LRAT: variants seen among roughly 807,000 people sequenced by gnomAD.
LRAT encodes the protein lecithin retinol acyltransferase, also known as lecithin retinol acyltransferase (phosphatidylcholine--retinol O-acyltransferase).
LRAT carries 11 observed loss-of-function variants against 14.2 expected under a neutral mutation model. The ratio of observed to expected loss-of-function variants is 0.78; its 90% CI spans 0.49 to 1.29. LRAT has a LOEUF of 1.29. Among genes scored for constraint, LRAT ranks in the 50% most tolerant of loss-of-function variants. LRAT has a pLI of 0.00. For synonymous variants in LRAT, 144 were observed against 124.8 expected, an observed-to-expected ratio of 1.15 and a Z score of -1.03; for missense variants, 274 against 292.4, an observed-to-expected ratio of 0.94 and a Z score of 0.46.
At chr4:154,746,468 A>G (rs1052100219) in intron 2 of LRAT, among the ~76,000 whole-genome samples, 2 of 152,342 alleles carry the variant, frequency 1.3e-5, no homozygotes, top group Admixed American at 1.3e-4. Flanking sequence ...TCCAAGTAAA[A>G]TAAAAATACA....
At position 154,749,253 on chromosome 4, in the gene LRAT, T is replaced by C; in HGVS notation, c.*117T>C. 1.7e-6 allele frequency: 2 copies of C among 1,181,948 alleles called. No homozygotes were observed. Among genetic ancestry groups the C allele is most frequent in the African/African-American group, 1.5e-5 (1 of 66,492 alleles). 73.2% of individuals were successfully genotyped at this position (1,181,948 alleles called of 1,614,324 possible). On this transcript the variant is annotated 3_prime_UTR_variant, in exon 3 of 3. Transcript: ENST00000336356. ...GTGACCCGTAACACTGTGTTCTGGA[T>C]AAAAATGTGATTAGGAATCACGCAA...
chr4:154,745,006 CTTTTTTTTTTTTT>C lies in LRAT; in HGVS notation c.540+158_540+170del, dbSNP rs70947181. On this transcript the variant is annotated intron_variant, in intron 2 of 2. Coordinates refer to ENST00000336356, the MANE Select transcript of LRAT (RefSeq NM_004744.5). ...TTCCATACCATCCTTTTTCTTTTTC[CTTTTTTTTTTTTT>C]TTTTTTTTTTTTTTTTTGAGACGGA... The C allele has an allele frequency of 4.8e-3, 1,191 of 246,046 alleles. 15 individuals carry two copies. In the African/African-American group the frequency reaches 0.067, roughly 14 times the overall value. 15.2% of individuals were successfully genotyped at this position (246,046 alleles called of 1,614,324 possible). A position where few individuals can be genotyped will look rare whatever the true frequency, so the allele number is the denominator to read the frequency against.
At chr4:154,742,727 AC>A, upstream of LRAT, among the ~76,000 whole-genome samples, 1 of 151,760 alleles carries the variant, frequency 6.6e-6, no homozygotes, top group South Asian at 2.1e-4. Context: ...CGGCTCCCTC[AC>A]CCGGCAGCTC....
chr4:154,743,125 A>ACCCCCCCC (rs59844353), upstream of LRAT, among the ~76,000 whole-genome samples: 26 of 17,824 alleles, frequency 1.5e-3, no homozygotes, highest in Admixed American at 5.2e-3. Flanking sequence ...GACCCCCCCA[A>ACCCCCCCC]CCCCCCCCCC....
At chr4:154,741,873 C>T (rs933971950), upstream of LRAT, among the ~76,000 whole-genome samples, 1 of 152,172 alleles carries the variant, frequency 6.6e-6, no homozygotes, top group Admixed American at 6.5e-5. Context: ...TTTTGTCTCC[C>T]TCAAGTTCCC....
In LRAT at chr4:154,744,287, T is replaced by TGGCACC. The variant is rs764087067; in HGVS notation, c.-1-32_-1-27dup. 3 of 1,601,784 alleles carry TGGCACC rather than the reference T, an allele frequency of 1.9e-6. No individual in the cohort carries two copies. In the Admixed American group the frequency reaches 5.0e-5, roughly 27 times the overall value. On this transcript the variant is annotated intron_variant, in intron 1 of 2. Coordinates refer to ENST00000336356, the MANE Select transcript of LRAT (RefSeq NM_004744.5). ...TTGCCCAGCCCGGCCCCTGCCGGAG[T>TGGCACC]GGCACCGGCACCTCTCCAAGACGCC...
In LRAT at chr4:154,744,850, G is replaced by C; in HGVS notation, c.524G>C (p.Ser175Thr). 1 of 1,613,442 alleles carries C rather than the reference G, an allele frequency of 6.2e-7. No individual in the cohort carries two copies. Among genetic ancestry groups the C allele is most frequent in the Admixed American group, 1.7e-5 (1 of 60,012 alleles). ...TACTGCAGATATGGCACCCCGATCA[G>C]TCCCCAGTCCGACAAGGTATGATGT... ...VTYCRYGTPI[S>T]PQSDKFCETV... The change falls in exon 2 of 3, where the codon AGT (serine) becomes ACT (threonine). Residue 175 changes from serine (S) to threonine (T), a missense_variant. By Grantham distance (58) the Ser-to-Thr change is moderately conservative. Coordinates refer to ENST00000336356, the MANE Select transcript of LRAT (RefSeq NM_004744.5).
chr4:154,751,110 A>G lies in LRAT; in HGVS notation c.*1974A>G, dbSNP rs1732981114. 1 of 152,238 alleles carries G rather than the reference A, an allele frequency of 6.6e-6. No individual in the cohort carries two copies. Among genetic ancestry groups the G allele is most frequent in the Admixed American group, 6.5e-5 (1 of 15,288 alleles). 9.4% of individuals were successfully genotyped at this position (152,238 alleles called of 1,614,324 possible). A position where few individuals can be genotyped will look rare whatever the true frequency, so the allele number is the denominator to read the frequency against. ...TTTATGGTCCAGAATTAATATTATTATTCGTAAACTAGCTATAATAGAGTA... is the reference window on the plus strand; with the variant it reads ...TTTATGGTCCAGAATTAATATTATTGTTCGTAAACTAGCTATAATAGAGTA... On this transcript the variant is annotated 3_prime_UTR_variant, in exon 3 of 3. Transcript: ENST00000336356.
chr4:154,747,262 T>G (rs1732900695), intron 2 of LRAT, among the ~76,000 whole-genome samples: 7 of 152,182 alleles, frequency 4.6e-5, no homozygotes, highest in Admixed American at 4.6e-4. Context: ...TTTTACAAGT[T>G]TAGAAGTCAT....
Position 154,749,291 on chromosome 4 carries a change from G to A in LRAT, c.*155G>A. 2 of 817,528 alleles carry A rather than the reference G, an allele frequency of 2.4e-6. No individual in the cohort carries two copies. The highest frequency in any genetic ancestry group is 4.0e-5 in the Admixed American group (2 of 50,286). 50.6% of individuals were successfully genotyped at this position (817,528 alleles called of 1,614,324 possible). A position where few individuals can be genotyped will look rare whatever the true frequency, so the allele number is the denominator to read the frequency against. On this transcript the variant is annotated 3_prime_UTR_variant, in exon 3 of 3. Coordinates refer to ENST00000336356, the MANE Select transcript of LRAT (RefSeq NM_004744.5). ...AGGAATCACGCAAAGTGCTTACTGT[G>A]TAAGCCCAAGAACAAAGGCTTTCTG...
At chr4:154,742,582 G>A (rs1198165474), upstream of LRAT, among the ~76,000 whole-genome samples, 2 of 152,222 alleles carry the variant, frequency 1.3e-5, no homozygotes, top group Non-Finnish European at 2.9e-5. Context: ...CGACTGGGCA[G>A]CTTTGTGGAG....
chr4:154,745,583 G>C (rs146309532), intron 2 of LRAT: 4 of 152,410 alleles, frequency 2.6e-5, no homozygotes, highest in Non-Finnish European at 5.9e-5. Context: ...ATCAGTCACC[G>C]CTGCTTGCAA....
At chr4:154,741,926 C>T (rs1301038666), upstream of LRAT, among the ~76,000 whole-genome samples, 1 of 152,140 alleles carries the variant, frequency 6.6e-6, no homozygotes, top group Non-Finnish European at 1.5e-5. Context: ...CCTTAGTGAC[C>T]ACCAGGGACG....
chr4:154,744,753 C>T lies in LRAT; in HGVS notation c.427C>T (p.Arg143Trp), dbSNP rs776906234. 6.2e-7 allele frequency: 1 copy of T among 1,614,166 alleles called. No individual in the cohort carries two copies. Reference protein sequence around the residue: ...KKALLNEEVARRAEKLLGFTP... With the variant: ...KKALLNEEVAWRAEKLLGFTP... ...GGCACTGCTCAACGAGGAGGTGGCG[C>T]GGAGGGCTGAAAAGCTGCTGGGCTT... is the stretch of plus-strand genomic sequence containing the variant. The change falls in exon 2 of 3, where the codon CGG becomes TGG. Residue 143 changes from arginine to tryptophan, a missense_variant. Coordinates refer to ENST00000336356, the MANE Select transcript of LRAT (RefSeq NM_004744.5).
chr4:154,752,747 C>A lies in LRAT; in HGVS notation c.*3611C>A, dbSNP rs939591353. ...TTTCCTGCCAGAAAGTTGGTTCTTG[C>A]AAAATAGATTAACTTGATGACTATG... On this transcript the variant is annotated 3_prime_UTR_variant, in exon 3 of 3. Transcript: ENST00000336356. 1 of 152,154 alleles carries A rather than the reference C, an allele frequency of 6.6e-6. No homozygotes were observed. The highest frequency in any genetic ancestry group is 1.5e-5 in the Non-Finnish European group (1 of 68,026). The allele number at this position is 152,154 out of a possible 1,614,324, so 9.4% of individuals were successfully genotyped here.
rs760244398 is a variant in LRAT, at chr4:154,751,733, C to CAAAAAAAAAAA, written c.*2618_*2628dup. 7 of 23,846 alleles carry CAAAAAAAAAAA rather than the reference C, an allele frequency of 2.9e-4. No homozygotes were observed. The highest frequency in any genetic ancestry group is 4.8e-4 in the Non-Finnish European group (6 of 12,624). 1.5% of individuals were successfully genotyped at this position (23,846 alleles called of 1,614,324 possible). On this transcript the variant is annotated 3_prime_UTR_variant, in exon 3 of 3. Coordinates refer to ENST00000336356, the MANE Select transcript of LRAT (RefSeq NM_004744.5). ...TGGGCAACAAAGTGAGACTCCATCTCAAAAAAAAAAAAAAAAAAAAAAAAA... is the reference window on the plus strand; with the variant it reads ...TGGGCAACAAAGTGAGACTCCATCTCAAAAAAAAAAAAAAAAAAAAAAAAAAAAAAAAAAAA...
rs2111038998 is a variant in LRAT at position 154,749,610 on chromosome 4, T to C, written c.*474T>C. On this transcript the variant is annotated 3_prime_UTR_variant, in exon 3 of 3. Transcript: ENST00000336356. ...TTTATTCAAATGAAAACATGTTTGA[T>C]GACTGGTCAAAAAATAAGCTCATAA... 6.4e-6 allele frequency: 1 copy of C among 156,736 alleles called. No homozygotes were observed. Among genetic ancestry groups the C allele is most frequent in the Non-Finnish European group, 1.4e-5 (1 of 70,832 alleles). 9.7% of individuals were successfully genotyped at this position (156,736 alleles called of 1,614,324 possible).
chr4:154,742,872 T>C (rs1037359278), upstream of LRAT, among the ~76,000 whole-genome samples: 1 of 151,796 alleles, frequency 6.6e-6, no homozygotes, highest in African/African-American at 2.4e-5. Flanking sequence ...AAAATAAAAA[T>C]AAAAATAAAA....
In LRAT at chr4:154,749,086, A is replaced by G. The variant is rs140421566; in HGVS notation, c.643A>G (p.Thr215Ala). ...AGTCTGTACGGGCTTGGTATCATAC[A>G]CTACCCTTCCTGCAATTTTTATTCC... is the stretch of plus-strand genomic sequence containing the variant. ...SIVCTGLVSY[T>A]TLPAIFIPFF... Residue 215 changes from threonine (T) to alanine (A), a missense_variant, in exon 3 of 3, where the codon ACT (threonine) becomes GCT (alanine). Transcript: ENST00000336356. 69 of 1,613,858 alleles carry G rather than the reference A, an allele frequency of 4.3e-5. 1 individual carries two copies. The East Asian group carries it at 1.5e-3, about 35-fold the overall frequency.
Sources: gnomAD v4.1 joint callset for allele counts (sites outside exome capture counted in the v4.1 genomes callset) on GRCh38, gnomAD v4.1.1 for gene constraint, MANE v1.5 for transcripts, NCBI Gene and HGNC (gene_info 2026-07-23, HGNC 2026-07-21) for gene names.